The following RAET1G variants were observed in gnomAD, a reference collection of about 807,000 sequenced individuals.
RAET1G encodes the protein retinoic acid early transcript 1G.
A neutral mutation model predicts 29.5 loss-of-function variants in RAET1G; 25 were observed. That is an observed-to-expected ratio of 0.85 (90% CI 0.62 to 1.18). The LOEUF (loss-of-function observed/expected upper bound fraction) is 1.18, where lower values mean the gene tolerates loss of function less well. RAET1G is among the 50% of genes most tolerant of loss of function. The pLI is 0.00. For synonymous variants in RAET1G, 167 were observed against 159.5 expected, an observed-to-expected ratio of 1.05 and a Z score of -0.36; for missense variants, 434 against 423.6, an observed-to-expected ratio of 1.02 and a Z score of -0.22.
intron 3 of RAET1G, chr6:149,918,634 A>G: frequency 1.6e-6 from 1 of 614,846 alleles, no homozygotes. Flanking sequence ...GCGGAAGAGG[A>G]GGTGATGCTC....
At position 149,919,149 on chromosome 6, in the gene RAET1G, G is replaced by A; in HGVS notation, c.525C>T (p.Asp175=). ...AATGGAAGGACATGGTCATATCCTT[G>A]TCATTCTCCCACTTTTCTTTCATCT... ...ARKMKEKWEN[D]KDMTMSFHYI... The change falls in exon 3 of 5, where the codon GAC becomes GAT. Residue 175 remains aspartate (D), a synonymous_variant. Transcript: ENST00000367360. 1 of 1,614,182 alleles carries A rather than the reference G, an allele frequency of 6.2e-7. No homozygotes were observed. The highest frequency in any genetic ancestry group is 8.5e-7 in the Non-Finnish European group (1 of 1,180,046).
Position 149,922,804 on chromosome 6 carries a change from C to T in RAET1G, c.85+122G>A, listed in dbSNP as rs1778624073. 4 of 640,392 alleles carry T rather than the reference C, an allele frequency of 6.2e-6. No homozygotes were observed. The South Asian group carries it at 6.3e-5, about 10-fold the overall frequency. 39.7% of individuals were successfully genotyped at this position (640,392 alleles called of 1,614,324 possible). A position where few individuals can be genotyped will look rare whatever the true frequency, so the allele number is the denominator to read the frequency against. ...GAAGGAGACGCGGAGGGAAACTGAGCGGGGGCGCAGTCCGGGGTGATCGCA... is the reference window on the plus strand; with the variant it reads ...GAAGGAGACGCGGAGGGAAACTGAGTGGGGGCGCAGTCCGGGGTGATCGCA... On this transcript the variant is annotated intron_variant, in intron 1 of 4. Coordinates refer to ENST00000367360, the MANE Select transcript of RAET1G (RefSeq NM_001001788.4).
At chr6:149,921,139 C>G (rs1244320652) in intron 1 of RAET1G, among the ~76,000 whole-genome samples, 2 of 152,194 alleles carry the variant, frequency 1.3e-5, no homozygotes, top group Non-Finnish European at 2.9e-5. Flanking sequence ...GGAATATATT[C>G]TCCATTGTAA....
At chr6:149,919,529 T>G in intron 2 of RAET1G, 24 bp downstream of exon 2, 1 of 1,614,044 alleles carries the variant, frequency 6.2e-7, no homozygotes, top group Non-Finnish European at 8.5e-7. Context: ...TGCTCCCTGC[T>G]GTCCTGGGCC....
intron 4 of RAET1G, 137 bp from the exon 5 acceptor site, chr6:149,917,211 C>T: frequency 7.9e-7 from 1 of 1,263,970 alleles, no homozygotes. Context: ...GAAAGTGGAC[C>T]AGGAGCGTGA....
At chr6:149,921,333 C>T (rs187869407) in intron 1 of RAET1G, among the ~76,000 whole-genome samples, 2 of 152,312 alleles carry the variant, frequency 1.3e-5, no homozygotes, top group South Asian at 2.1e-4. Flanking sequence ...GGCAAGGCAA[C>T]GCCACTCACA....
At chr6:149,922,871 C>A (rs1430843125) in intron 1 of RAET1G, 55 bp downstream of exon 1, 19 of 1,328,006 alleles carry the variant, frequency 1.4e-5, no homozygotes, top group Non-Finnish European at 1.9e-5. Flanking sequence ...AGCCCACAGT[C>A]CACAGCCCCC....
rs1778493781 is a variant in RAET1G at position 149,918,189 on chromosome 6, A to G, written c.827T>C (p.Val276Ala). The G allele has an allele frequency of 1.9e-6, 3 of 1,613,726 alleles. No individual in the cohort carries two copies. Among genetic ancestry groups the G allele is most frequent in the Non-Finnish European group, 2.5e-6 (3 of 1,179,938 alleles). ...GCCCCCATACCTGTCACTCCAAAGG[A>G]CTCTCCTCAGCAGCCAGGTAGGATG... ...LLHPTWLLRR[V>A]LWSDSYQIAK... Residue 276 changes from valine (V) to alanine (A), a missense_variant, in exon 4 of 5, where the codon GTC becomes GCC. Val to Ala is a moderately conservative substitution (Grantham distance 64). Transcript: ENST00000367360.
chr6:149,921,335 C>T (rs1778596175), intron 1 of RAET1G, among the ~76,000 whole-genome samples: 1 of 152,222 alleles, frequency 6.6e-6, no homozygotes, highest in Non-Finnish European at 1.5e-5. Context: ...CAAGGCAACG[C>T]CACTCACAGC....
chr6:149,919,838 G>T, intron 1 of RAET1G, 22 bp from the exon 2 acceptor site: 1 of 1,612,042 alleles, frequency 6.2e-7, no homozygotes, highest in Non-Finnish European at 8.5e-7. Context: ...GGCAGGTGAG[G>T]GGTGGGTGGG....
Position 149,918,372 on chromosome 6 carries a change from A to C in RAET1G, c.644T>G (p.Met215Arg), listed in dbSNP as rs1562478802. 11 of 1,614,120 alleles carry C rather than the reference A, an allele frequency of 6.8e-6. No individual in the cohort carries two copies. Among genetic ancestry groups the C allele is most frequent in the Non-Finnish European group, 9.3e-6 (11 of 1,179,978 alleles). The change falls in exon 4 of 5, where the codon ATG becomes AGG. Residue 215 changes from methionine (M) to arginine (R), a missense_variant. Transcript: ENST00000367360. ...CCTGGGTTGGGCTGTGCCTGAGGAC[A>C]TGGTGGGTGGTGCTGAAATGGAAGC... ...LEPSAGAPPT[M>R]SSGTAQPRAT... is the part of the protein sequence containing the mutation.
At chr6:149,922,530 G>A (rs1778618820) in intron 1 of RAET1G, among the ~76,000 whole-genome samples, 1 of 152,086 alleles carries the variant, frequency 6.6e-6, no homozygotes, top group Non-Finnish European at 1.5e-5. Flanking sequence ...TGGCTGGTGG[G>A]AGTGTCTGTG....
At chr6:149,918,763 G>A (rs1234023793) in intron 3 of RAET1G, 39 of 604,898 alleles carry the variant, frequency 6.4e-5, no homozygotes, top group Non-Finnish European at 9.9e-5. Flanking sequence ...TAAGGAGAAA[G>A]GCCTGAAAAT....
At chr6:149,918,847 G>A in intron 3 of RAET1G, 196 bp downstream of exon 3, 1 of 789,908 alleles carries the variant, frequency 1.3e-6, no homozygotes, top group Non-Finnish European at 2.0e-6. Context: ...GTGAGGAAGA[G>A]GAGTCAGGAG....
rs1562478042 is a variant in RAET1G at position 149,917,000 on chromosome 6, G to A, written c.917C>T (p.Ser306Leu). 2 of 1,550,912 alleles carry A rather than the reference G, an allele frequency of 1.3e-6. No individual in the cohort carries two copies. Among genetic ancestry groups the A allele is most frequent in the Admixed American group, 2.0e-5 (1 of 50,982 alleles). ...RVTLPIIGDD[S>L]HSLPCPLALY... Reference sequence around the variant, plus strand: ...GGCAAGAGGGCAGGGTAAGGAGTGTGAGTCGTCTCCAATGATAGGTAAAGT... The same window carrying A: ...GGCAAGAGGGCAGGGTAAGGAGTGTAAGTCGTCTCCAATGATAGGTAAAGT... Residue 306 changes from serine (S) to leucine (L), a missense_variant, in exon 5 of 5, where the codon TCA becomes TTA. Physicochemically the swap from Ser to Leu is moderately radical, Grantham distance 145 (BLOSUM62 -2). Coordinates refer to ENST00000367360, the MANE Select transcript of RAET1G (RefSeq NM_001001788.4).
In RAET1G at chr6:149,919,691, C is replaced by G. The variant is rs1434749456; in HGVS notation, c.211G>C (p.Val71Leu). Residue 71 changes from valine (V) to leucine (L), a missense_variant, in exon 2 of 5, where the codon GTC becomes CTC. Coordinates refer to ENST00000367360, the MANE Select transcript of RAET1G (RefSeq NM_001001788.4). ...TTCCCCAGGGGACTGACGGGTGTGA[C>G]TGTCTTGCTGCCACAGTCATAGTGA... is the stretch of plus-strand genomic sequence containing the variant. ...FLHYDCGSKT[V>L]TPVSPLGKKL... The G allele has an allele frequency of 2.5e-6, 4 of 1,613,890 alleles. No individual in the cohort carries two copies. The highest frequency in any genetic ancestry group is 3.4e-6 in the Non-Finnish European group (4 of 1,179,884).
At position 149,919,601 on chromosome 6, in the gene RAET1G, G is replaced by C. The variant is rs1156952182; in HGVS notation, c.301C>G (p.Leu101Val). Residue 101 changes from leucine to valine, a missense_variant, in exon 2 of 5, where the codon CTT becomes GTT. Transcript: ENST00000367360. ...TGAATGTCAAGCAGTTGCTCTGTAAGTATGTCCACCACCTCTCTCAGTACT... is the reference window on the plus strand; with the variant it reads ...TGAATGTCAAGCAGTTGCTCTGTAACTATGTCCACCACCTCTCTCAGTACT... The part of the protein sequence containing the change: ...NPVLREVVDI[L>V]TEQLLDIQLE... The C allele has an allele frequency of 6.2e-7, 1 of 1,613,916 alleles. No individual in the cohort carries two copies. Among genetic ancestry groups the C allele is most frequent in the Non-Finnish European group, 8.5e-7 (1 of 1,179,890 alleles).
Position 149,917,082 on chromosome 6 carries a change from G to A in RAET1G, c.843-8C>T, listed in dbSNP as rs754818788. 41 of 1,541,082 alleles carry A rather than the reference G, an allele frequency of 2.7e-5. No homozygotes were observed. Among genetic ancestry groups the A allele is most frequent in the South Asian group, 9.7e-5 (8 of 82,124 alleles). On this transcript the variant is annotated splice_region_variant and splice_polypyrimidine_tract_variant and intron_variant, in intron 4 of 4. Coordinates refer to ENST00000367360, the MANE Select transcript of RAET1G (RefSeq NM_001001788.4). ...CGCTTCGCTATTTGGTAGCTGAGGC[G>A]GAGAGAGAGAGGACAGCTTACGTCA...
At position 149,919,166 on chromosome 6, in the gene RAET1G, C is replaced by T; in HGVS notation, c.508G>A (p.Glu170Lys). Residue 170 changes from glutamate (E) to lysine (K), a missense_variant, in exon 3 of 5, where the codon GAA becomes AAA. By Grantham distance (56) the Glu-to-Lys change is moderately conservative. Coordinates refer to ENST00000367360, the MANE Select transcript of RAET1G (RefSeq NM_001001788.4). ...ATATCCTTGTCATTCTCCCACTTTT[C>T]TTTCATCTTTCTGGCTCCAGGATGA... is the stretch of plus-strand genomic sequence containing the variant. ...TVHPGARKMK[E>K]KWENDKDMTM... 1 of 1,614,230 alleles carries T rather than the reference C, an allele frequency of 6.2e-7. No individual in the cohort carries two copies. Among genetic ancestry groups the T allele is most frequent in the Non-Finnish European group, 8.5e-7 (1 of 1,180,048 alleles).
Sources: gnomAD v4.1 joint callset for allele counts (sites outside exome capture counted in the v4.1 genomes callset) on GRCh38, gnomAD v4.1.1 for gene constraint, MANE v1.5 for transcripts, NCBI Gene and HGNC (gene_info 2026-07-23, HGNC 2026-07-21) for gene names.